The following C2orf80 variants were observed in gnomAD, a reference collection of about 807,000 sequenced individuals.
The protein encoded by C2orf80 is uncharacterized protein C2orf80.
In C2orf80, 28 loss-of-function variants were observed where a neutral mutation model predicts 30.2. The ratio of observed to expected loss-of-function variants is 0.93; its 90% CI spans 0.69 to 1.27. The LOEUF (loss-of-function observed/expected upper bound fraction) is 1.27. C2orf80 is among the 50% of genes most tolerant of loss of function. The probability of loss-of-function intolerance (pLI) is 0.00; values close to 1 mark genes in which losing one functional copy is unlikely to be tolerated. For synonymous variants in C2orf80, 80 were observed against 76.4 expected (o/e 1.05, Z -0.24); for missense variants, 220 against 231.0 (o/e 0.95, Z 0.31).
chr2:208,172,364 T>G (rs767285745), intron 6 of C2orf80, among the ~76,000 whole-genome samples: 9 of 152,148 alleles, frequency 5.9e-5, no homozygotes, highest in Non-Finnish European at 1.0e-4. Context: ...TTCCTCCTTT[T>G]CTGCCTAGAG....
At chr2:208,171,283 C>T (rs1044534943) in intron 7 of C2orf80, among the ~76,000 whole-genome samples, 1 of 151,918 alleles carries the variant, frequency 6.6e-6, no homozygotes, top group East Asian at 1.9e-4. Flanking sequence ...GTAGGTGGGA[C>T]TAGAGGAGGG....
chr2:208,181,439 T>C (rs113920531), intron 4 of C2orf80, 134 bp from the exon 5 acceptor site: 1 of 553,210 alleles, frequency 1.8e-6, no homozygotes, highest in Non-Finnish European at 3.2e-6. Context: ...ATAAAATTGG[T>C]ATGATTGTTC....
At chr2:208,170,799 T>C (rs929912286) in intron 8 of C2orf80, 146 bp downstream of exon 8, 5 of 679,706 alleles carry the variant, frequency 7.4e-6, no homozygotes, top group African/African-American at 7.2e-5. Context: ...GTATCTTGCC[T>C]GATGTCCCAT....
chr2:208,181,213 C>T lies in C2orf80; in HGVS notation c.294+5G>A, dbSNP rs939122010. 6.4e-7 allele frequency: 1 copy of T among 1,571,368 alleles called. No individual in the cohort carries two copies. The highest frequency in any genetic ancestry group is 1.7e-5 in the Admixed American group (1 of 59,900). ...CATATAGGCAGATAGTATTCTTTTC[C>T]TTACCATTAAGATTCCAGCATAAGA... On this transcript the variant is annotated splice_donor_5th_base_variant and intron_variant, in intron 5 of 8. Coordinates refer to ENST00000341287, the MANE Select transcript of C2orf80 (RefSeq NM_001099334.3).
At chr2:208,171,203 T>C in intron 7 of C2orf80, 140 bp from the exon 8 acceptor site, 1 of 644,302 alleles carries the variant, frequency 1.6e-6, no homozygotes, top group East Asian at 2.7e-5. Context: ...TGGAGTGCAG[T>C]GGTTCCATCA....
At chr2:208,178,862 A>G (rs1161951968) in intron 6 of C2orf80, among the ~76,000 whole-genome samples, 1 of 151,862 alleles carries the variant, frequency 6.6e-6, no homozygotes, top group African/African-American at 2.4e-5. Context: ...GGTTCAAGAG[A>G]TTATCCTGCC....
chr2:208,169,124 A>G (rs1435011631), intron 8 of C2orf80, among the ~76,000 whole-genome samples: 1 of 152,158 alleles, frequency 6.6e-6, no homozygotes, highest in Non-Finnish European at 1.5e-5. Flanking sequence ...ACAAAATTAT[A>G]TTTAAAAATA....
chr2:208,181,311 G>A lies in C2orf80; in HGVS notation c.207-6C>T, dbSNP rs1446155115. On this transcript the variant is annotated splice_region_variant and splice_polypyrimidine_tract_variant and intron_variant, in intron 4 of 8. Transcript: ENST00000341287. ...TGCCATGGAGTGGTATTTTCCTAAT[G>A]GGGAATAGGAAATACAAGTGGAAGA... is the stretch of plus-strand genomic sequence containing the variant. The A allele has an allele frequency of 1.9e-6, 3 of 1,560,342 alleles. No individual in the cohort carries two copies. Among genetic ancestry groups the A allele is most frequent in the Admixed American group, 3.3e-5 (2 of 59,846 alleles).
intron 1 of C2orf80, among the ~76,000 whole-genome samples, chr2:208,189,176 T>C (rs557624468): frequency 3.3e-4 from 51 of 152,350 alleles, no homozygotes; most frequent in African/African-American, 1.2e-3. Flanking sequence ...TCTCAATTCC[T>C]TGGCAGGGAG....
At chr2:208,168,001 C>A (rs1574353093) in intron 8 of C2orf80, among the ~76,000 whole-genome samples, 1 of 151,864 alleles carries the variant, frequency 6.6e-6, no homozygotes, top group East Asian at 1.9e-4. Context: ...AATTGTTCTT[C>A]AGCTAAAAGA....
intron 6 of C2orf80, among the ~76,000 whole-genome samples, chr2:208,179,491 C>T (rs902778707): frequency 3.3e-5 from 5 of 152,182 alleles, no homozygotes; most frequent in African/African-American, 1.2e-4. Flanking sequence ...AAGACCTGGG[C>T]GTGAGGACGT....
chr2:208,183,143 T>C (rs1243313629), intron 3 of C2orf80, 96 bp from the exon 4 acceptor site: 1 of 890,176 alleles, frequency 1.1e-6, no homozygotes, highest in African/African-American at 1.7e-5. Context: ...AAGCCTATTC[T>C]AGTCTGTCAT....
chr2:208,182,380 T>C (rs73065253), intron 4 of C2orf80, among the ~76,000 whole-genome samples: 5,111 of 152,278 alleles, frequency 0.034, 275 homozygotes, highest in African/African-American at 0.12. Context: ...GGCATGTACA[T>C]AGTAAAGCAG....
Position 208,171,786 on chromosome 2 carries a change from C to G in C2orf80, c.454+202G>C, listed in dbSNP as rs1292499074. 1.1e-4 allele frequency among the ~76,000 whole-genome samples: 16 copies of G among 152,160 alleles called. 1 individual carries two copies. The highest frequency in any genetic ancestry group is 1.0e-3 in the Admixed American group (16 of 15,276). ...TGCTTTTGGAGTGCTTTGCTCCCAT[C>G]ACCAAAGCATCTGAGAAACAAGACT... On this transcript the variant is annotated intron_variant, in intron 7 of 8. Coordinates refer to ENST00000341287, the MANE Select transcript of C2orf80 (RefSeq NM_001099334.3).
intron 7 of C2orf80, 81 bp downstream of exon 7, chr2:208,171,907 T>G: frequency 1.7e-6 from 2 of 1,163,752 alleles, no homozygotes; most frequent in Non-Finnish European, 2.6e-6. Context: ...ATTACAATTT[T>G]GACCTTACCT....
intron 6 of C2orf80, among the ~76,000 whole-genome samples, chr2:208,177,602 A>G (rs1185624697): frequency 6.6e-6 from 1 of 152,088 alleles, no homozygotes; most frequent in Non-Finnish European, 1.5e-5. Context: ...GCCTTTAAAA[A>G]AAAGTCAGCC....
intron 8 of C2orf80, among the ~76,000 whole-genome samples, chr2:208,167,564 A>G (rs1695939262): frequency 6.6e-6 from 1 of 151,972 alleles, no homozygotes; most frequent in African/African-American, 2.4e-5. Context: ...GTTTCCCAGA[A>G]CACTGAGGGT....
chr2:208,185,686 G>T (rs938623713), intron 2 of C2orf80, among the ~76,000 whole-genome samples: 4 of 152,120 alleles, frequency 2.6e-5, no homozygotes, highest in African/African-American at 9.7e-5. Flanking sequence ...CATCTCCCAG[G>T]TTGATTTTGG....
rs750997578 is a variant in C2orf80, at chr2:208,175,219, G to T, written c.367-3144C>A. ...GAGAATCACTTGAACCCCGGGGGGG[G>T]GGGGGGCGGAGGTTGCAGTGAGCCA... is the stretch of plus-strand genomic sequence containing the variant. On this transcript the variant is annotated intron_variant, in intron 6 of 8. Transcript: ENST00000341287. Among the ~76,000 whole-genome samples, 110 of 151,176 alleles carry T rather than the reference G, an allele frequency of 7.3e-4. 2 individuals carry two copies. The highest frequency in any genetic ancestry group is 2.2e-3 in the African/African-American group (90 of 41,314).
Sources: allele counts gnomAD v4.1 joint callset (sites outside exome capture counted in the v4.1 genomes callset), GRCh38; gene constraint gnomAD v4.1.1; transcripts MANE v1.5; gene names NCBI Gene and HGNC (gene_info 2026-07-23, HGNC 2026-07-21).